PTPN13: variants seen among roughly 807,000 people sequenced by gnomAD.
PTPN13 encodes the protein protein tyrosine phosphatase non-receptor type 13.
PTPN13 carries 191 observed loss-of-function variants against 284.0 expected under a neutral mutation model. The ratio of observed to expected loss-of-function variants is 0.67; its 90% CI spans 0.60 to 0.76. The LOEUF is 0.76. Ranked by LOEUF, PTPN13 falls within the 30% of genes least tolerant of loss-of-function variation. The pLI is 0.00. For synonymous variants in PTPN13, 986 were observed against 1,022.3 expected (o/e 0.96, Z 0.68); for missense variants, 2,797 against 2,939.9 (o/e 0.95, Z 1.12).
At chr4:86,706,222 G>A (rs1310603248) in intron 7 of PTPN13, among the ~76,000 whole-genome samples, 3 of 152,078 alleles carry the variant, frequency 2.0e-5, no homozygotes, top group Admixed American at 2.0e-4. Context: ...TCATAACAGA[G>A]CCATATTTTG....
At chr4:86,730,595 G>A (rs1734825235) in intron 10 of PTPN13, among the ~76,000 whole-genome samples, 1 of 150,034 alleles carries the variant, frequency 6.7e-6, no homozygotes. Flanking sequence ...GGCTTCGTGG[G>A]TGTGGGACCT....
intron 10 of PTPN13, 90 bp from the exon 11 acceptor site, chr4:86,732,310 G>A: frequency 9.2e-7 from 1 of 1,088,300 alleles, no homozygotes; most frequent in Non-Finnish European, 1.3e-6. Flanking sequence ...AGTTTCATAT[G>A]TAATTTATTA....
In PTPN13 at chr4:86,807,738, G is replaced by A. The variant is rs767061184; in HGVS notation, c.6924G>A (p.Met2308Ile). The change falls in exon 45 of 48, where the codon ATG becomes ATA. Residue 2308 changes from methionine (M) to isoleucine (I), a missense_variant. By Grantham distance (10) the Met-to-Ile change is conservative. Transcript: ENST00000411767. ...AAAAATCCACAGTGATAGCCATGAT[G>A]ACTCAAGAAGTAGAAGGAGAAAAAA... Reference protein sequence around the residue: ...WEQKSTVIAMMTQEVEGEKIK... With the variant: ...WEQKSTVIAMITQEVEGEKIK... 6.2e-7 allele frequency: 1 copy of A among 1,613,992 alleles called. No individual in the cohort carries two copies. The highest frequency in any genetic ancestry group is 8.5e-7 in the Non-Finnish European group (1 of 1,179,894).
At chr4:86,806,831 T>C (rs1033793238) in intron 44 of PTPN13, among the ~76,000 whole-genome samples, 1 of 152,222 alleles carries the variant, frequency 6.6e-6, no homozygotes, top group African/African-American at 2.4e-5. Context: ...GTAATACATA[T>C]AAATTTATTC....
chr4:86,805,446 T>C (rs1744549843), intron 44 of PTPN13, 77 bp downstream of exon 44: 1 of 743,296 alleles, frequency 1.3e-6, no homozygotes, highest in Admixed American at 3.2e-5. Flanking sequence ...GTGTTTAACT[T>C]ACCTATCCCT....
chr4:86,772,900 A>G lies in PTPN13; in HGVS notation c.5291A>G (p.Gln1764Arg). 6.2e-7 allele frequency: 1 copy of G among 1,611,794 alleles called. No homozygotes were observed. ...HIHHISEPTR[Q>R]ENWTPLKNDL... Reference sequence around the variant, plus strand: ...CATCACATTTCTGAACCAACTAGACAAGAAAACTGGACACCTTTGAAAAAT... The same window carrying G: ...CATCACATTTCTGAACCAACTAGACGAGAAAACTGGACACCTTTGAAAAAT... The change falls in exon 32 of 48, where the codon CAA becomes CGA. Residue 1764 changes from glutamine to arginine, a missense_variant. Transcript: ENST00000411767.
intron 35 of PTPN13, among the ~76,000 whole-genome samples, chr4:86,778,441 G>A (rs1740896133): frequency 6.6e-6 from 1 of 152,084 alleles, no homozygotes; most frequent in South Asian, 2.1e-4. Flanking sequence ...AATGATGTAT[G>A]TGACGCACCT....
At position 86,686,781 on chromosome 4, in the gene PTPN13, T is replaced by C. The variant is rs755407034; in HGVS notation, c.360+6T>C. ...ATGAAGTGCCTCAGAGCCAAGTAAGTTAAGTTTTTACAGTTGTTATACTTT... is the reference window on the plus strand; with the variant it reads ...ATGAAGTGCCTCAGAGCCAAGTAAGCTAAGTTTTTACAGTTGTTATACTTT... On this transcript the variant is annotated splice_donor_region_variant and intron_variant, in intron 4 of 47. Coordinates refer to ENST00000411767, the MANE Select transcript of PTPN13 (RefSeq NM_080683.3). 1 of 1,549,858 alleles carries C rather than the reference T, an allele frequency of 6.5e-7. No individual in the cohort carries two copies. The highest frequency in any genetic ancestry group is 2.3e-5 in the East Asian group (1 of 43,032).
In PTPN13 at chr4:86,767,946, CA is replaced by C; in HGVS notation, c.4460del (p.Gln1487ArgfsTer16). 6.2e-7 allele frequency: 1 copy of C among 1,611,686 alleles called. No homozygotes were observed. ...QGPEKVKKTT[Q>X]VKDYSFVTEE... ...CCCAGAAAAAGTGAAGAAAACAACTCAGGTCAAAGACTACAGCTTTGTCACT... is the reference window on the plus strand; with the variant it reads ...CCCAGAAAAAGTGAAGAAAACAACTCGGTCAAAGACTACAGCTTTGTCACT... On this transcript the variant is annotated frameshift_variant, in exon 28 of 48. Coordinates refer to ENST00000411767, the MANE Select transcript of PTPN13 (RefSeq NM_080683.3). LOFTEE classifies it high-confidence loss of function.
At chr4:86,654,271 C>T (rs1015566878) in intron 2 of PTPN13, among the ~76,000 whole-genome samples, 59 of 151,900 alleles carry the variant, frequency 3.9e-4, no homozygotes, top group African/African-American at 1.1e-3. Flanking sequence ...ATTGATAGAC[C>T]GCTAGCAAGA....
intron 2 of PTPN13, among the ~76,000 whole-genome samples, chr4:86,655,641 G>A (rs1725704192): frequency 6.6e-6 from 1 of 152,168 alleles, no homozygotes; most frequent in Admixed American, 6.5e-5. Flanking sequence ...CCCTTTGAGG[G>A]TAACCCGACC....
intron 7 of PTPN13, among the ~76,000 whole-genome samples, chr4:86,707,508 T>C (rs1300087248): frequency 4.6e-5 from 7 of 152,182 alleles, no homozygotes; most frequent in African/African-American, 1.7e-4. Flanking sequence ...TTTGAGAAGA[T>C]TGAATTTAAA....
rs751766220 is a variant in PTPN13, at chr4:86,745,041, C to A, written c.2563C>A (p.Gln855Lys). ...GFQTDNSKIC[Q>K]YLLHLCSYQH... ...CCAGACAGACAACAGTAAGATATGCCAGTACCTGCTGCACCTCTGCTCTTA... is the reference window on the plus strand; with the variant it reads ...CCAGACAGACAACAGTAAGATATGCAAGTACCTGCTGCACCTCTGCTCTTA... Residue 855 changes from glutamine to lysine, a missense_variant, in exon 17 of 48, where the codon CAG becomes AAG. By Grantham distance (53) the Gln-to-Lys change is moderately conservative (BLOSUM62 1). Transcript: ENST00000411767. 5.0e-6 allele frequency: 8 copies of A among 1,609,186 alleles called. No homozygotes were observed. The highest frequency in any genetic ancestry group is 6.8e-6 in the Non-Finnish European group (8 of 1,177,664).
intron 9 of PTPN13, among the ~76,000 whole-genome samples, chr4:86,718,837 C>T (rs1224603640): frequency 6.6e-6 from 1 of 152,106 alleles, no homozygotes; most frequent in African/African-American, 2.4e-5. Flanking sequence ...AGGAAAACTC[C>T]AGTAAGTATT....
chr4:86,636,100 C>T (rs977603482), intron 2 of PTPN13, among the ~76,000 whole-genome samples: 19 of 152,124 alleles, frequency 1.2e-4, no homozygotes, highest in Non-Finnish European at 2.2e-4. Flanking sequence ...GAGGATTTGA[C>T]TTGATCATGG....
chr4:86,627,277 C>T (rs1304375993), intron 1 of PTPN13, among the ~76,000 whole-genome samples: 1 of 151,974 alleles, frequency 6.6e-6, no homozygotes, highest in Non-Finnish European at 1.5e-5. Flanking sequence ...CTGAACTATA[C>T]ACTTAAAAAT....
intron 23 of PTPN13, among the ~76,000 whole-genome samples, chr4:86,762,169 C>T (rs1470681293): frequency 6.6e-6 from 1 of 152,200 alleles, no homozygotes; most frequent in Non-Finnish European, 1.5e-5. Flanking sequence ...GACAGGGTTT[C>T]ACCATGTTGG....
chr4:86,623,899 A>T lies in PTPN13; in HGVS notation c.-5-11353A>T, dbSNP rs1578273954. ...TTTCCTCCATCACATTTATTACCATACGATATTCTAGTTATTGTACTTATT... is the reference window on the plus strand; with the variant it reads ...TTTCCTCCATCACATTTATTACCATTCGATATTCTAGTTATTGTACTTATT... On this transcript the variant is annotated intron_variant, in intron 1 of 47. Coordinates refer to ENST00000411767, the MANE Select transcript of PTPN13 (RefSeq NM_080683.3). Among the ~76,000 whole-genome samples, 3 of 152,224 alleles carry T rather than the reference A, an allele frequency of 2.0e-5. No homozygotes were observed. The South Asian group carries it at 6.2e-4, about 32-fold the overall frequency.
chr4:86,643,290 C>A (rs1027850745), intron 2 of PTPN13, among the ~76,000 whole-genome samples: 4 of 152,102 alleles, frequency 2.6e-5, no homozygotes, highest in African/African-American at 9.7e-5. Flanking sequence ...CAGCAAGTGT[C>A]CTGCAAAAAT....
Sources: allele counts gnomAD v4.1 joint callset (sites outside exome capture counted in the v4.1 genomes callset), GRCh38; gene constraint gnomAD v4.1.1; transcripts MANE v1.5; gene names NCBI Gene and HGNC (gene_info 2026-07-23, HGNC 2026-07-21).